Variants in WDR48 observed in about 807,000 individuals in gnomAD.
WDR48 encodes the protein WD repeat-containing protein 48.
A neutral mutation model predicts 94.0 loss-of-function variants in WDR48; 22 were observed. The observed-to-expected ratio is 0.23, with a 90% CI of 0.17 to 0.33. The LOEUF (loss-of-function observed/expected upper bound fraction) is 0.33, where lower values mean the gene tolerates loss of function less well. Ranked by LOEUF, WDR48 falls within the 10% of genes least tolerant of loss-of-function variation. WDR48 has a pLI of 1.00. For missense variants in WDR48, 541 were observed against 813.8 expected (o/e 0.66, Z 4.08); for synonymous variants, 278 against 280.5 (o/e 0.99, Z 0.09).
chr3:39,071,867 C>G (rs1223294750), intron 7 of WDR48, among the ~76,000 whole-genome samples: 1 of 152,100 alleles, frequency 6.6e-6, no homozygotes, highest in African/African-American at 2.4e-5. Flanking sequence ...AAAAGAAACT[C>G]TTACTGATTA....
intron 1 of WDR48, among the ~76,000 whole-genome samples, chr3:39,056,949 A>G (rs1296062063): frequency 6.6e-6 from 1 of 152,110 alleles, no homozygotes; most frequent in African/African-American, 2.4e-5. Context: ...AATGAGAAGA[A>G]GGAGGGTTTG....
At position 39,089,212 on chromosome 3, in the gene WDR48, C is replaced by CT. The variant is rs1397488856; in HGVS notation, c.1581-17dup. 6.2e-7 allele frequency: 1 copy of CT among 1,607,936 alleles called. No homozygotes were observed. The highest frequency in any genetic ancestry group is 1.7e-5 in the Admixed American group (1 of 59,222). ...TCTGTGCTTGTTGGGTTACTTACTA[C>CT]TTGATGGTTTATGTTTAGGCTGCTC... On this transcript the variant is annotated intron_variant, in intron 15 of 18. Coordinates refer to ENST00000302313, the MANE Select transcript of WDR48 (RefSeq NM_020839.4).
At chr3:39,056,144 A>G (rs1370634342) in intron 1 of WDR48, among the ~76,000 whole-genome samples, 1 of 152,244 alleles carries the variant, frequency 6.6e-6, no homozygotes, top group Non-Finnish European at 1.5e-5. Flanking sequence ...GACCACATAG[A>G]ATGGATGTAC....
At chr3:39,056,443 G>C (rs917521059) in intron 1 of WDR48, among the ~76,000 whole-genome samples, 1 of 152,176 alleles carries the variant, frequency 6.6e-6, no homozygotes, top group African/African-American at 2.4e-5. Context: ...CAAATTTCTA[G>C]ATCGAAGGGG....
chr3:39,074,682 G>C (rs1393780598), intron 7 of WDR48, 44 bp from the exon 8 acceptor site: 1 of 1,601,370 alleles, frequency 6.2e-7, no homozygotes, highest in Admixed American at 1.7e-5. Flanking sequence ...CAAGAAAGCA[G>C]GAACTTTGTG....
At chr3:39,055,703 A>G (rs766244645) in intron 1 of WDR48, among the ~76,000 whole-genome samples, 11 of 152,176 alleles carry the variant, frequency 7.2e-5, no homozygotes, top group Non-Finnish European at 1.3e-4. Flanking sequence ...GGTAACCAGG[A>G]TATCAAAGCA....
chr3:39,086,754 T>C (rs761910561), intron 14 of WDR48, among the ~76,000 whole-genome samples: 2 of 152,172 alleles, frequency 1.3e-5, no homozygotes, highest in African/African-American at 2.4e-5. Flanking sequence ...CAATAAGGAT[T>C]AAGTTATCAA....
At chr3:39,078,801 C>T (rs1212905608) in intron 10 of WDR48, among the ~76,000 whole-genome samples, 7 of 150,736 alleles carry the variant, frequency 4.6e-5, no homozygotes, top group South Asian at 2.1e-4. Flanking sequence ...GAGGCCAAGG[C>T]GGGCGGATCA....
At chr3:39,090,548 T>C (rs1428813795) in intron 16 of WDR48, 1 of 152,246 alleles carries the variant, frequency 6.6e-6, no homozygotes, top group Non-Finnish European at 1.5e-5. Flanking sequence ...ATGATAATTA[T>C]GTCTAGCTCT....
At chr3:39,094,609 G>A in intron 18 of WDR48, 39 bp from the exon 19 acceptor site, 1 of 1,612,742 alleles carries the variant, frequency 6.2e-7, no homozygotes, top group Non-Finnish European at 8.5e-7. Context: ...TTAGATATTA[G>A]AGACTTTGAA....
In WDR48 at chr3:39,068,728, G is replaced by T. The variant is rs776031712; in HGVS notation, c.482-43G>T. 3.4e-6 allele frequency: 5 copies of T among 1,482,846 alleles called. No individual in the cohort carries two copies. In the South Asian group the frequency reaches 4.9e-5, roughly 14 times the overall value. 91.9% of individuals were successfully genotyped at this position (1,482,846 alleles called of 1,614,324 possible). ...GTTTTTGCTGACTAGTTACTAAACA[G>T]CTGATGATCTTGTTAACATTTAGCT... On this transcript the variant is annotated intron_variant, in intron 5 of 18. Transcript: ENST00000302313.
intron 6 of WDR48, among the ~76,000 whole-genome samples, chr3:39,069,278 G>C (rs1408728549): frequency 6.6e-6 from 1 of 152,152 alleles, no homozygotes; most frequent in Non-Finnish European, 1.5e-5. Context: ...TGCCCCAATC[G>C]GGGGAGCTTA....
At chr3:39,064,089 A>T (rs2033444924) in intron 2 of WDR48, among the ~76,000 whole-genome samples, 2 of 152,192 alleles carry the variant, frequency 1.3e-5, no homozygotes, top group Middle Eastern at 3.2e-3. Flanking sequence ...AATGGTAACG[A>T]GCCCTTTTAG....
intron 1 of WDR48, among the ~76,000 whole-genome samples, chr3:39,057,628 A>T (rs2032978562): frequency 6.6e-6 from 1 of 152,092 alleles, no homozygotes; most frequent in African/African-American, 2.4e-5. Flanking sequence ...TTTTATTTTT[A>T]TTTTTATTTT....
At chr3:39,053,749 A>T (rs1468555450) in intron 1 of WDR48, among the ~76,000 whole-genome samples, 2 of 152,222 alleles carry the variant, frequency 1.3e-5, no homozygotes, top group Admixed American at 1.3e-4. Context: ...TATATATTTT[A>T]AAAAGACTTA....
At chr3:39,066,515 C>T (rs376132024) in intron 3 of WDR48, 33 bp from the exon 4 acceptor site, 1 of 1,582,510 alleles carries the variant, frequency 6.3e-7, no homozygotes, top group Non-Finnish European at 8.7e-7. Flanking sequence ...AGTCATACTA[C>T]TAAGGAGTTT....
chr3:39,058,427 C>G (rs747135237), intron 1 of WDR48, among the ~76,000 whole-genome samples: 3 of 152,232 alleles, frequency 2.0e-5, no homozygotes, highest in Non-Finnish European at 4.4e-5. Context: ...TAATTACTTT[C>G]CACCTAGAAT....
At chr3:39,080,132 G>A (rs73066273) in intron 11 of WDR48, among the ~76,000 whole-genome samples, 4,566 of 151,038 alleles carry the variant, frequency 0.03, 107 homozygotes, top group Middle Eastern at 0.079. Context: ...GGCAGGTAGG[G>A]GGCTATTCCA....
intron 10 of WDR48, among the ~76,000 whole-genome samples, chr3:39,079,137 TA>T (rs2034393907): frequency 6.6e-6 from 1 of 152,144 alleles, no homozygotes; most frequent in Admixed American, 6.5e-5. Context: ...AACCACTTCA[TA>T]AAATACATAG....
Sources: allele counts gnomAD v4.1 joint callset (sites outside exome capture counted in the v4.1 genomes callset), GRCh38; gene constraint gnomAD v4.1.1; transcripts MANE v1.5; gene names NCBI Gene and HGNC (gene_info 2026-07-23, HGNC 2026-07-21).